The following KIRREL1 variants were observed in gnomAD, a reference collection of about 807,000 sequenced individuals.
KIRREL1 encodes kirre like nephrin family adhesion molecule 1, also known as kin of IRRE-like protein 1.
A neutral mutation model predicts 83.3 loss-of-function variants in KIRREL1; 25 were observed. The ratio of observed to expected loss-of-function variants is 0.30; its 90% CI spans 0.22 to 0.42. The LOEUF (loss-of-function observed/expected upper bound fraction) is 0.42, where lower values mean the gene tolerates loss of function less well. KIRREL1 is among the 10% of genes least tolerant of loss of function. The probability of loss-of-function intolerance (pLI) is 1.00; values close to 1 mark genes in which losing one functional copy is unlikely to be tolerated. For synonymous variants in KIRREL1, 388 were observed against 410.4 expected, an observed-to-expected ratio of 0.95 and a Z score of 0.66; for missense variants, 812 against 1,032.3, an observed-to-expected ratio of 0.79 and a Z score of 2.92.
intron 1 of KIRREL1, among the ~76,000 whole-genome samples, chr1:158,018,545 C>T (rs759813756): frequency 6.6e-6 from 1 of 152,180 alleles, no homozygotes; most frequent in African/African-American, 2.4e-5. Flanking sequence ...TGGTCAGCTG[C>T]TCTAGGACTT....
At chr1:158,039,892 G>A (rs949914932) in intron 1 of KIRREL1, among the ~76,000 whole-genome samples, 29 of 152,150 alleles carry the variant, frequency 1.9e-4, no homozygotes, top group South Asian at 2.1e-4. Flanking sequence ...ACCTCTGGGC[G>A]TTGTTGTTAT....
chr1:158,081,222 C>G lies in KIRREL1; in HGVS notation c.352+3082C>G, dbSNP rs951649709. On this transcript the variant is annotated intron_variant, in intron 3 of 14. Coordinates refer to ENST00000359209, the MANE Select transcript of KIRREL1 (RefSeq NM_018240.7). Reference sequence around the variant, plus strand: ...GCCTGGTCCACATCCTAGCTCTGCCCTCTAACTCACTCTCCTGTCTCTGAG... The same window carrying G: ...GCCTGGTCCACATCCTAGCTCTGCCGTCTAACTCACTCTCCTGTCTCTGAG... Among the ~76,000 whole-genome samples, 9 of 97,766 alleles carry G rather than the reference C, an allele frequency of 9.2e-5. 1 individual carries two copies. The highest frequency in any genetic ancestry group is 2.0e-4 in the Admixed American group (2 of 10,198). The allele number at this position is 97,766 out of a possible 152,430, so 64.1% of individuals were successfully genotyped here. A position where few individuals can be genotyped will look rare whatever the true frequency, so the allele number is the denominator to read the frequency against.
chr1:158,029,238 T>A (rs1660250963), intron 1 of KIRREL1, among the ~76,000 whole-genome samples: 1 of 152,098 alleles, frequency 6.6e-6, no homozygotes, highest in Non-Finnish European at 1.5e-5. Flanking sequence ...AAGGAATAAC[T>A]CTTGCCAAGG....
In KIRREL1 at chr1:158,026,119, G is replaced by A. The variant is rs1332123370; in HGVS notation, c.52+32391G>A. Among the ~76,000 whole-genome samples, 5 of 152,278 alleles carry A rather than the reference G, an allele frequency of 3.3e-5. No individual in the cohort carries two copies. The East Asian group carries it at 9.7e-4, about 29-fold the overall frequency. Reference sequence around the variant, plus strand: ...TGACTAAGTCATAAGAAGGCCAAAGGCTGAGTGAGAAGCAGAGAAGGAGCT... The same window carrying A: ...TGACTAAGTCATAAGAAGGCCAAAGACTGAGTGAGAAGCAGAGAAGGAGCT... On this transcript the variant is annotated intron_variant, in intron 1 of 14. Coordinates refer to ENST00000359209, the MANE Select transcript of KIRREL1 (RefSeq NM_018240.7).
At chr1:158,014,519 T>G (rs1659771528) in intron 1 of KIRREL1, among the ~76,000 whole-genome samples, 1 of 151,892 alleles carries the variant, frequency 6.6e-6, no homozygotes, top group Non-Finnish European at 1.5e-5. Context: ...TTCCCCTCAC[T>G]CACAAGGATT....
chr1:158,068,664 A>G (rs1012194778), intron 1 of KIRREL1, among the ~76,000 whole-genome samples: 23 of 152,036 alleles, frequency 1.5e-4, no homozygotes, highest in African/African-American at 3.9e-4. Flanking sequence ...AGAAGTGCCA[A>G]TCTCTCCCTT....
chr1:158,045,748 A>G (rs1660763825), intron 1 of KIRREL1, among the ~76,000 whole-genome samples: 1 of 152,228 alleles, frequency 6.6e-6, no homozygotes, highest in African/African-American at 2.4e-5. Flanking sequence ...CCTCTCTGGA[A>G]GCTGGTGTCA....
At chr1:157,995,978 C>T (rs577995913) in intron 1 of KIRREL1, among the ~76,000 whole-genome samples, 41 of 151,214 alleles carry the variant, frequency 2.7e-4, no homozygotes, top group African/African-American at 9.5e-4. Context: ...ACCCCCTTTC[C>T]TTAGCCTCCA....
intron 1 of KIRREL1, among the ~76,000 whole-genome samples, chr1:158,040,447 A>C (rs1660594611): frequency 6.6e-6 from 1 of 152,262 alleles, no homozygotes; most frequent in Non-Finnish European, 1.5e-5. Context: ...TACCTACTCC[A>C]GCAAAGGTTT....
chr1:158,001,276 A>C lies in KIRREL1; in HGVS notation c.52+7548A>C, dbSNP rs115697487. On this transcript the variant is annotated intron_variant, in intron 1 of 14. Transcript: ENST00000359209. ...TCCAGTGTTGCAAAGTGAATAATGT[A>C]CTAGATCTCTGCCCTTGAAGGTCTC... is the stretch of plus-strand genomic sequence containing the variant. Among the ~76,000 whole-genome samples, 387 of 152,306 alleles carry C rather than the reference A, an allele frequency of 2.5e-3. 3 individuals carry two copies. The highest frequency in any genetic ancestry group is 8.9e-3 in the African/African-American group (370 of 41,558).
intron 1 of KIRREL1, among the ~76,000 whole-genome samples, chr1:158,016,737 C>A (rs1659837121): frequency 1.3e-5 from 2 of 152,200 alleles, no homozygotes; most frequent in African/African-American, 2.4e-5. Flanking sequence ...CATGGTTAAT[C>A]TCCAAAGTGA....
rs150816158 is a variant in KIRREL1, at chr1:158,099,496, G to C, written c.*4376G>C. 3.6e-3 allele frequency: 543 copies of C among 152,222 alleles called. 3 individuals are homozygous for C. The highest frequency in any genetic ancestry group is 6.0e-3 in the Non-Finnish European group (407 of 68,076). The allele number at this position is 152,222 out of a possible 1,614,324, so 9.4% of individuals were successfully genotyped here. A position where few individuals can be genotyped will look rare whatever the true frequency, so the allele number is the denominator to read the frequency against. On this transcript the variant is annotated 3_prime_UTR_variant, in exon 15 of 15. Transcript: ENST00000359209. ...GAGAGATGTGTGGTTTGGTAGGAAG[G>C]GGGTGTGTGTGGGGGTTAGTGGGGA...
chr1:158,066,678 C>T (rs1348893887), intron 1 of KIRREL1, among the ~76,000 whole-genome samples: 2 of 152,180 alleles, frequency 1.3e-5, no homozygotes, highest in Non-Finnish European at 2.9e-5. Flanking sequence ...GACAGAGGCT[C>T]CCCGTCCCTT....
intron 1 of KIRREL1, among the ~76,000 whole-genome samples, chr1:158,066,647 G>T (rs781145682): frequency 6.6e-6 from 1 of 152,208 alleles, no homozygotes; most frequent in Non-Finnish European, 1.5e-5. Flanking sequence ...AGGGAGGCAG[G>T]TGCAGGGCCT....
intron 4 of KIRREL1, 106 bp downstream of exon 4, chr1:158,084,685 G>A: frequency 8.6e-7 from 1 of 1,159,270 alleles, no homozygotes; most frequent in Non-Finnish European, 1.2e-6. Flanking sequence ...GACATGAGAG[G>A]GGTCTTAGAG....
chr1:158,026,945 C>G (rs1368482016), intron 1 of KIRREL1, among the ~76,000 whole-genome samples: 1 of 152,182 alleles, frequency 6.6e-6, no homozygotes, highest in African/African-American at 2.4e-5. Flanking sequence ...TTCCAGCAAG[C>G]AATCAGTCTT....
intron 1 of KIRREL1, among the ~76,000 whole-genome samples, chr1:158,057,472 A>T (rs912068985): frequency 6.6e-6 from 1 of 152,184 alleles, no homozygotes; most frequent in Admixed American, 6.5e-5. Context: ...CTTTTCACAG[A>T]CATAGAATAT....
intron 1 of KIRREL1, among the ~76,000 whole-genome samples, chr1:158,003,012 C>A (rs987619557): frequency 3.9e-5 from 6 of 152,306 alleles, no homozygotes; most frequent in South Asian, 4.2e-4. Flanking sequence ...CTCCACCCCC[C>A]ACTCCCACCC....
At chr1:158,004,862 T>G (rs1028084218) in intron 1 of KIRREL1, among the ~76,000 whole-genome samples, 7 of 152,210 alleles carry the variant, frequency 4.6e-5, no homozygotes, top group Non-Finnish European at 1.0e-4. Context: ...GAGGATCACT[T>G]GAACCCAGGA....
Sources: allele counts gnomAD v4.1 joint callset (sites outside exome capture counted in the v4.1 genomes callset), GRCh38; gene constraint gnomAD v4.1.1; transcripts MANE v1.5; gene names NCBI Gene and HGNC (gene_info 2026-07-23, HGNC 2026-07-21).